Variants in DNAJC13 observed in about 807,000 individuals in gnomAD.
The protein encoded by DNAJC13 is DnaJ heat shock protein family (Hsp40) member C13.
In DNAJC13, 75 loss-of-function variants were observed where a neutral mutation model predicts 290.5. That is an observed-to-expected ratio of 0.26 (90% CI 0.21 to 0.31). The LOEUF (loss-of-function observed/expected upper bound fraction) is 0.31, where lower values mean the gene tolerates loss of function less well. Ranked by LOEUF, DNAJC13 falls within the 10% of genes least tolerant of loss-of-function variation. The pLI is 1.00. For missense variants in DNAJC13, 2,260 were observed against 2,674.5 expected, an observed-to-expected ratio of 0.85 and a Z score of 3.42; for synonymous variants, 862 against 892.0, an observed-to-expected ratio of 0.97 and a Z score of 0.60.
intron 17 of DNAJC13, among the ~76,000 whole-genome samples, chr3:132,465,326 G>T (rs1352183590): frequency 1.3e-5 from 2 of 151,812 alleles, no homozygotes; most frequent in Non-Finnish European, 2.9e-5. Context: ...AAGGGTCACT[G>T]GTGGGTAAAA....
At chr3:132,469,963 CTT>C (rs61726289) in intron 20 of DNAJC13, among the ~76,000 whole-genome samples, 48 of 61,152 alleles carry the variant, frequency 7.8e-4, no homozygotes, top group African/African-American at 2.5e-3. Flanking sequence ...AGCAGAGATT[CTT>C]TTTTTTTTTT....
At chr3:132,493,100 G>A (rs1473366277) in intron 33 of DNAJC13, among the ~76,000 whole-genome samples, 1 of 151,946 alleles carries the variant, frequency 6.6e-6, no homozygotes, top group Non-Finnish European at 1.5e-5. Flanking sequence ...GCTATCTGGT[G>A]GTGTTTATGA....
rs371982228 is a variant in DNAJC13, at chr3:132,445,137, CTGTT to C, written c.69-1332_69-1329del. On this transcript the variant is annotated intron_variant, in intron 2 of 55. Coordinates refer to ENST00000260818, the MANE Select transcript of DNAJC13 (RefSeq NM_015268.4). ...GTATTACCTTTGAGTCTGATCATGG[CTGTT>C]TGTTTAAGTTATTAATGCCTTTTTA... Among the ~76,000 whole-genome samples the C allele has an allele frequency of 6.8e-4, 103 of 152,076 alleles. No individual in the cohort carries two copies. The South Asian group carries it at 0.011, about 16-fold the overall frequency.
intron 54 of DNAJC13, among the ~76,000 whole-genome samples, chr3:132,529,063 C>T (rs1314923071): frequency 6.6e-6 from 1 of 152,028 alleles, no homozygotes; most frequent in Non-Finnish European, 1.5e-5. Flanking sequence ...GTATCTAGTT[C>T]CAAAACATTT....
At chr3:132,507,802 A>G (rs1193203076) in intron 43 of DNAJC13, among the ~76,000 whole-genome samples, 1 of 152,196 alleles carries the variant, frequency 6.6e-6, no homozygotes, top group Non-Finnish European at 1.5e-5. Flanking sequence ...TATTGGAATT[A>G]GGCCAGTTAA....
chr3:132,444,095 C>T (rs1454335649), intron 2 of DNAJC13, among the ~76,000 whole-genome samples: 3 of 152,072 alleles, frequency 2.0e-5, no homozygotes, highest in East Asian at 1.9e-4. Context: ...GGTGGGCAAG[C>T]GAGCCAGCAT....
intron 3 of DNAJC13, among the ~76,000 whole-genome samples, chr3:132,446,770 T>A (rs1356290076): frequency 6.6e-6 from 1 of 151,972 alleles, no homozygotes; most frequent in Non-Finnish European, 1.5e-5. Flanking sequence ...CTCTCAAGGG[T>A]ATAACTTGAT....
chr3:132,526,713 A>C (rs1936267703), intron 53 of DNAJC13, among the ~76,000 whole-genome samples: 1 of 152,270 alleles, frequency 6.6e-6, no homozygotes, highest in African/African-American at 2.4e-5. Context: ...TTTAAGAAAC[A>C]TGCCAAGATA....
intron 43 of DNAJC13, among the ~76,000 whole-genome samples, chr3:132,509,649 A>T (rs985630347): frequency 6.6e-6 from 1 of 152,188 alleles, no homozygotes; most frequent in Admixed American, 6.5e-5. Flanking sequence ...GATAGAGCAG[A>T]CTTCTTTGTT....
At chr3:132,470,693 G>A (rs1934190708) in intron 20 of DNAJC13, among the ~76,000 whole-genome samples, 4 of 125,614 alleles carry the variant, frequency 3.2e-5, no homozygotes, top group Admixed American at 1.5e-4. Flanking sequence ...CTCCCGGACG[G>A]GGCGGCTGGC....
chr3:132,507,979 A>G (rs1935648520), intron 43 of DNAJC13, among the ~76,000 whole-genome samples: 1 of 152,222 alleles, frequency 6.6e-6, no homozygotes, highest in African/African-American at 2.4e-5. Flanking sequence ...GTGAGTGCAA[A>G]GGAAAAGTTC....
At chr3:132,437,085 G>T (rs1286394122) in intron 2 of DNAJC13, among the ~76,000 whole-genome samples, 1 of 151,838 alleles carries the variant, frequency 6.6e-6, no homozygotes, top group African/African-American at 2.4e-5. Flanking sequence ...CACCATGTTG[G>T]CCAGGCTGGT....
intron 48 of DNAJC13, among the ~76,000 whole-genome samples, chr3:132,522,009 A>G (rs1559911556): frequency 6.6e-6 from 1 of 152,314 alleles, no homozygotes; most frequent in South Asian, 2.1e-4. Flanking sequence ...TTTGTAGTAT[A>G]TCTCTGGCAG....
chr3:132,488,640 T>C lies in DNAJC13; in HGVS notation c.3422+188T>C, dbSNP rs1934963048. Among the ~76,000 whole-genome samples, 3 of 152,254 alleles carry C rather than the reference T, an allele frequency of 2.0e-5. No homozygotes were observed. The South Asian group carries it at 6.2e-4, about 32-fold the overall frequency. On this transcript the variant is annotated intron_variant, in intron 30 of 55. Coordinates refer to ENST00000260818, the MANE Select transcript of DNAJC13 (RefSeq NM_015268.4). ...AAATTACTCAGAATTGTACCACTAT[T>C]CCACATCTAGCATAAGAATGTATTA...
chr3:132,523,160 C>T lies in DNAJC13; in HGVS notation c.5847C>T (p.His1949=). 1 of 1,613,842 alleles carries T rather than the reference C, an allele frequency of 6.2e-7. No individual in the cohort carries two copies. Among genetic ancestry groups the T allele is most frequent in the Non-Finnish European group, 8.5e-7 (1 of 1,179,860 alleles). Residue 1949 remains histidine (H), a synonymous_variant, in exon 50 of 56, where the codon CAC becomes CAT. Transcript: ENST00000260818. The stretch of plus-strand genomic sequence containing the variant: ...TCCATCCCTTTTTTTCCCCAAGGCA[C>T]TTTAAAAATCAGCAGGACAACCCTG... ...STTVREMMLE[H]FKNQQDNPEA... is the part of the protein sequence containing the mutation.
intron 1 of DNAJC13, among the ~76,000 whole-genome samples, chr3:132,419,313 AGTG>A (rs1483750901): frequency 6.6e-5 from 10 of 152,210 alleles, no homozygotes; most frequent in African/African-American, 2.4e-5. Context: ...CTTTTTCTAA[AGTG>A]GTAGTAATAA....
Position 132,454,053 on chromosome 3 carries a change from G to T in DNAJC13, c.841-13G>T. On this transcript the variant is annotated splice_polypyrimidine_tract_variant and intron_variant, in intron 8 of 55. Coordinates refer to ENST00000260818, the MANE Select transcript of DNAJC13 (RefSeq NM_015268.4). ...CTTTTTTTTGTTGAAGCTATTTTTT[G>T]TTTTTTCATTAGGTATTTGCGTTGG... The T allele has an allele frequency of 6.4e-7, 1 of 1,563,332 alleles. No homozygotes were observed. The highest frequency in any genetic ancestry group is 8.6e-7 in the Non-Finnish European group (1 of 1,160,136).
At chr3:132,452,178 A>T (rs528193155) in intron 6 of DNAJC13, among the ~76,000 whole-genome samples, 1 of 152,346 alleles carries the variant, frequency 6.6e-6, no homozygotes, top group South Asian at 2.1e-4. Flanking sequence ...TGGAATAATA[A>T]GGTAAACGTT....
At chr3:132,453,549 G>A (rs2107666622) in intron 7 of DNAJC13, 45 bp downstream of exon 7, 1 of 1,609,120 alleles carries the variant, frequency 6.2e-7, no homozygotes, top group South Asian at 1.1e-5. Context: ...ACCTGATTTT[G>A]ACGTTTTAAA....
Sources: gnomAD v4.1 joint callset for allele counts (sites outside exome capture counted in the v4.1 genomes callset) on GRCh38, gnomAD v4.1.1 for gene constraint, MANE v1.5 for transcripts, NCBI Gene and HGNC (gene_info 2026-07-23, HGNC 2026-07-21) for gene names.